LRMDA: variants seen among roughly 807,000 people sequenced by gnomAD.
LRMDA encodes the protein leucine rich melanocyte differentiation associated.
A neutral mutation model predicts 29.8 loss-of-function variants in LRMDA; 18 were observed. The ratio of observed to expected loss-of-function variants is 0.60; its 90% CI spans 0.42 to 0.90. The LOEUF is 0.90. Ranked by LOEUF, LRMDA falls within the 40% of genes least tolerant of loss-of-function variation. The pLI is 0.00. For synonymous variants in LRMDA, 125 were observed against 109.4 expected (o/e 1.14, Z -0.89); for missense variants, 273 against 273.9 (o/e 1.00, Z 0.02).
At chr10:75,799,418 A>G (rs1843709360) in intron 2 of LRMDA, among the ~76,000 whole-genome samples, 1 of 151,516 alleles carries the variant, frequency 6.6e-6, no homozygotes, top group Admixed American at 6.6e-5. Context: ...TTTTTATCCT[A>G]TTACTTTCAA....
rs150912291 is a variant in LRMDA at position 75,678,012 on chromosome 10, A to G, written c.131+239518A>G. On this transcript the variant is annotated intron_variant, in intron 2 of 6. Coordinates refer to ENST00000611255, the MANE Select transcript of LRMDA (RefSeq NM_001305581.2). ...TGTAAAATGTAACATGTGTTTCCCA[A>G]AGCTAAACTGTGTTATTGATAAGAC... Among the ~76,000 whole-genome samples the G allele has an allele frequency of 1.1e-3, 166 of 152,316 alleles. 2 individuals carry two copies. The highest frequency in any genetic ancestry group is 3.8e-3 in the African/African-American group (157 of 41,572).
At chr10:75,468,328 G>A (rs1844684025) in intron 2 of LRMDA, among the ~76,000 whole-genome samples, 2 of 152,134 alleles carry the variant, frequency 1.3e-5, no homozygotes, top group African/African-American at 4.8e-5. Context: ...ATCAAAGGAT[G>A]TAAAAAGAAG....
chr10:76,204,107 C>A (rs1433902347), intron 5 of LRMDA, among the ~76,000 whole-genome samples: 3 of 147,204 alleles, frequency 2.0e-5, no homozygotes. Flanking sequence ...TTTATGTATC[C>A]ATCAACCCAT....
intron 6 of LRMDA, among the ~76,000 whole-genome samples, chr10:76,407,116 C>T (rs975272253): frequency 2.6e-5 from 4 of 152,204 alleles, no homozygotes; most frequent in Admixed American, 6.5e-5. Flanking sequence ...CTAGGTGTTA[C>T]GCAGAGATGT....
chr10:76,080,459 T>C (rs1246375578), intron 5 of LRMDA, among the ~76,000 whole-genome samples: 2 of 152,168 alleles, frequency 1.3e-5, no homozygotes. Context: ...CCATGGCCAA[T>C]TACCAGGGAA....
chr10:76,119,784 C>T (rs1054426526), intron 5 of LRMDA, among the ~76,000 whole-genome samples: 5 of 152,082 alleles, frequency 3.3e-5, no homozygotes, highest in Admixed American at 6.6e-5. Flanking sequence ...AATGCATGTC[C>T]CAGTTTGGTA....
chr10:75,782,953 T>C, intron 2 of LRMDA: 1 of 1,613,882 alleles, frequency 6.2e-7, no homozygotes. Context: ...AATTTGAATG[T>C]CAATATCTTT....
At chr10:75,966,531 G>A (rs1015265960) in intron 2 of LRMDA, among the ~76,000 whole-genome samples, 2 of 152,122 alleles carry the variant, frequency 1.3e-5, no homozygotes, top group Non-Finnish European at 2.9e-5. Context: ...ATGAAGGCAG[G>A]GGTCCTTGTT....
chr10:75,927,067 C>T (rs1846131743), intron 2 of LRMDA, among the ~76,000 whole-genome samples: 1 of 152,144 alleles, frequency 6.6e-6, no homozygotes, highest in Non-Finnish European at 1.5e-5. Context: ...GAGATTTCAA[C>T]TCTTGAATCA....
intron 5 of LRMDA, among the ~76,000 whole-genome samples, chr10:76,227,298 CT>C (rs561962264): frequency 1.3e-5 from 2 of 152,078 alleles, no homozygotes; most frequent in South Asian, 2.1e-4. Context: ...TAGCTGTGGA[CT>C]TTTTTTTGTT....
At chr10:76,407,701 TG>T (rs1441414599) in intron 6 of LRMDA, among the ~76,000 whole-genome samples, 1 of 152,202 alleles carries the variant, frequency 6.6e-6, no homozygotes, top group Non-Finnish European at 1.5e-5. Flanking sequence ...CAAAACTGTC[TG>T]CTATCCTTAA....
At chr10:75,689,688 G>C (rs1230801095) in intron 2 of LRMDA, among the ~76,000 whole-genome samples, 1 of 152,220 alleles carries the variant, frequency 6.6e-6, no homozygotes, top group Admixed American at 6.5e-5. Context: ...GGGGGCAGGG[G>C]CTTTGCTGGG....
intron 5 of LRMDA, among the ~76,000 whole-genome samples, chr10:76,073,928 A>G (rs1848915628): frequency 6.6e-6 from 1 of 152,234 alleles, no homozygotes; most frequent in Non-Finnish European, 1.5e-5. Context: ...GAAAATTATT[A>G]GTGGCACGAA....
Position 75,536,946 on chromosome 10 carries a change from C to G in LRMDA, c.131+98452C>G, listed in dbSNP as rs570926725. Among the ~76,000 whole-genome samples, 13 of 152,132 alleles carry G rather than the reference C, an allele frequency of 8.5e-5. No homozygotes were observed. In the East Asian group the frequency reaches 9.7e-4, roughly 11 times the overall value. The stretch of plus-strand genomic sequence containing the variant: ...GACAAAAACAGTGTCCTCATTGTAT[C>G]CCCCATACCACCCATCGTATGCTGG... On this transcript the variant is annotated intron_variant, in intron 2 of 6. Transcript: ENST00000611255.
intron 2 of LRMDA, among the ~76,000 whole-genome samples, chr10:75,683,656 C>T (rs2132154598): frequency 6.6e-6 from 1 of 152,266 alleles, no homozygotes; most frequent in South Asian, 2.1e-4. Context: ...TTTCCTTTAC[C>T]TTACCTGAAA....
At chr10:75,666,067 A>C (rs1442755741) in intron 2 of LRMDA, among the ~76,000 whole-genome samples, 1 of 152,202 alleles carries the variant, frequency 6.6e-6, no homozygotes, top group East Asian at 1.9e-4. Flanking sequence ...TGTAAGAATT[A>C]TGATTTTACC....
intron 2 of LRMDA, among the ~76,000 whole-genome samples, chr10:75,536,047 C>T (rs1839939956): frequency 6.6e-6 from 1 of 152,186 alleles, no homozygotes; most frequent in Non-Finnish European, 1.5e-5. Context: ...TATTGTCTGA[C>T]CTGGCTGCTT....
intron 6 of LRMDA, among the ~76,000 whole-genome samples, chr10:76,507,365 A>G (rs1564561558): frequency 6.6e-6 from 1 of 151,638 alleles, no homozygotes; most frequent in Admixed American, 6.6e-5. Flanking sequence ...GCACATGTAT[A>G]ATTTGCACAT....
chr10:75,610,076 T>A (rs1227538689), intron 2 of LRMDA, among the ~76,000 whole-genome samples: 1 of 152,098 alleles, frequency 6.6e-6, no homozygotes, highest in African/African-American at 2.4e-5. Flanking sequence ...CTTAATTTTT[T>A]AAAAAAGAAA....
Sources: allele counts gnomAD v4.1 joint callset (sites outside exome capture counted in the v4.1 genomes callset), GRCh38; gene constraint gnomAD v4.1.1; transcripts MANE v1.5; gene names NCBI Gene and HGNC (gene_info 2026-07-23, HGNC 2026-07-21).